The following MMP13 variants were observed in gnomAD, a reference collection of about 807,000 sequenced individuals.
MMP13 encodes the protein matrix metallopeptidase 13, also known as collagenase 3.
A neutral mutation model predicts 52.1 loss-of-function variants in MMP13; 45 were observed. That is an observed-to-expected ratio of 0.86 (90% CI 0.68 to 1.11). The LOEUF is 1.11. Among genes scored for constraint, MMP13 ranks in the 50% least tolerant of loss-of-function variants. MMP13 has a pLI of 0.00. For missense variants in MMP13, 576 were observed against 583.8 expected, an observed-to-expected ratio of 0.99 and a Z score of 0.14; for synonymous variants, 200 against 204.4, an observed-to-expected ratio of 0.98 and a Z score of 0.18.
Position 102,945,630 on chromosome 11 carries a change from C to T in MMP13, c.1315+16G>A, listed in dbSNP as rs782287854. 14 of 1,449,702 alleles carry T rather than the reference C, an allele frequency of 9.7e-6. No homozygotes were observed. Among genetic ancestry groups the T allele is most frequent in the Non-Finnish European group, 1.1e-5 (11 of 1,031,772 alleles). The allele number at this position is 1,449,702 out of a possible 1,614,324, so 89.8% of individuals were successfully genotyped here. ...CAGAAGCTCCTCTTTAAAGTCAGTG[C>T]AATGTAACTACTTACCATTTTTCTC... On this transcript the variant is annotated intron_variant, in intron 9 of 9. Coordinates refer to ENST00000260302, the MANE Select transcript of MMP13 (RefSeq NM_002427.4).
chr11:102,954,079 T>C (rs967313244), intron 4 of MMP13, 77 bp downstream of exon 4: 4 of 1,521,370 alleles, frequency 2.6e-6, no homozygotes, highest in South Asian at 1.2e-5. Context: ...TTAACTTTTA[T>C]GTGTTTTAAC....
chr11:102,947,882 C>T lies in MMP13; in HGVS notation c.1211+9G>A. ...GACACAGATGGGTCAGTACCTACTG[C>T]TGCCATACCTCCAGACCTGGTTTCC... On this transcript the variant is annotated intron_variant, in intron 8 of 9. Transcript: ENST00000260302. The T allele has an allele frequency of 3.1e-6, 5 of 1,613,858 alleles. No homozygotes were observed. The highest frequency in any genetic ancestry group is 4.2e-6 in the Non-Finnish European group (5 of 1,179,808).
Position 102,944,019 on chromosome 11 carries a change from A to G in MMP13, c.*247T>C. The stretch of plus-strand genomic sequence containing the variant: ...TGTGGTGTGGGAAGTATCATCAACC[A>G]TTGCTTTTGTACAGCAACAAGAATC... On this transcript the variant is annotated 3_prime_UTR_variant, in exon 10 of 10. Coordinates refer to ENST00000260302, the MANE Select transcript of MMP13 (RefSeq NM_002427.4). 1 of 450,624 alleles carries G rather than the reference A, an allele frequency of 2.2e-6. No individual in the cohort carries two copies. The highest frequency in any genetic ancestry group is 4.2e-6 in the Non-Finnish European group (1 of 236,976). The allele number at this position is 450,624 out of a possible 1,614,324, so 27.9% of individuals were successfully genotyped here.
At position 102,948,056 on chromosome 11, in the gene MMP13, A is replaced by G. The variant is rs1555016879; in HGVS notation, c.1052-6T>C. On this transcript the variant is annotated splice_region_variant and splice_polypyrimidine_tract_variant and intron_variant, in intron 7 of 9. Transcript: ENST00000260302. ...AAGAGCCCAAAATTTTCTACCTGGA[A>G]TGAGTGAAATAACAGTTCTATTATC... is the stretch of plus-strand genomic sequence containing the variant. The G allele has an allele frequency of 1.2e-6, 2 of 1,612,510 alleles. No homozygotes were observed. Among genetic ancestry groups the G allele is most frequent in the Admixed American group, 3.3e-5 (2 of 59,978 alleles).
At chr11:102,948,153 A>G in intron 7 of MMP13, 103 bp from the exon 8 acceptor site, 1 of 850,276 alleles carries the variant, frequency 1.2e-6, no homozygotes, top group Non-Finnish European at 1.8e-6. Context: ...ATTGAGAAAT[A>G]TTAATAAAAT....
At position 102,944,164 on chromosome 11, in the gene MMP13, A is replaced by T; in HGVS notation, c.*102T>A. The T allele has an allele frequency of 1.2e-6, 1 of 860,906 alleles. No homozygotes were observed. Among genetic ancestry groups the T allele is most frequent in the Non-Finnish European group, 2.0e-6 (1 of 506,520 alleles). 53.3% of individuals were successfully genotyped at this position (860,906 alleles called of 1,614,324 possible). ...TAACTTACTGAAGCTTGTTCACAGAACCAAGCTTTCTCCTGATAGCTCTTC... is the reference window on the plus strand; with the variant it reads ...TAACTTACTGAAGCTTGTTCACAGATCCAAGCTTTCTCCTGATAGCTCTTC... On this transcript the variant is annotated 3_prime_UTR_variant, in exon 10 of 10. Transcript: ENST00000260302.
chr11:102,950,073 G>T, intron 6 of MMP13, 37 bp downstream of exon 6: 2 of 1,516,598 alleles, frequency 1.3e-6, no homozygotes, highest in Middle Eastern at 1.7e-4. Flanking sequence ...ACAGATGTTT[G>T]TCGCATACAG....
chr11:102,953,672 A>G (rs990091428), intron 4 of MMP13, among the ~76,000 whole-genome samples: 1 of 152,176 alleles, frequency 6.6e-6, no homozygotes, highest in Non-Finnish European at 1.5e-5. Context: ...AGTGTTTACA[A>G]TATATAGACA....
At position 102,949,088 on chromosome 11, in the gene MMP13, G is replaced by A; in HGVS notation, c.988C>T (p.Leu330Phe). The A allele has an allele frequency of 6.2e-7, 1 of 1,613,922 alleles. No individual in the cohort carries two copies. The highest frequency in any genetic ancestry group is 8.5e-7 in the Non-Finnish European group (1 of 1,179,866). Residue 330 changes from leucine (L) to phenylalanine (F), a missense_variant, in exon 7 of 10, where the codon CTT (leucine) becomes TTT (phenylalanine). Transcript: ENST00000260302. This position sits in a 1 kb window ranked among gnomAD's most constrained non-coding sequence, Gnocchi z 4.2. ...TATGCAGCATCAATACGGTTGGGAA[G>A]TTCTGGCCAAAATGATTTCGTTAAA... ...LFLTKSFWPE[L>F]PNRIDAAYEH...
chr11:102,949,093 G>A lies in MMP13; in HGVS notation c.983C>T (p.Pro328Leu), dbSNP rs1860564718. ...AGCATCAATACGGTTGGGAAGTTCT[G>A]GCCAAAATGATTTCGTTAAAAACAG... ...AELFLTKSFW[P>L]ELPNRIDAAY... Residue 328 changes from proline (P) to leucine (L), a missense_variant, in exon 7 of 10, where the codon CCA becomes CTA. By Grantham distance (98) the Pro-to-Leu change is moderately conservative. Transcript: ENST00000260302. This position sits in a 1 kb window ranked among gnomAD's most constrained non-coding sequence, Gnocchi z 4.2. 1 of 1,613,780 alleles carries A rather than the reference G, an allele frequency of 6.2e-7. No individual in the cohort carries two copies. The highest frequency in any genetic ancestry group is 8.5e-7 in the Non-Finnish European group (1 of 1,179,862).
Position 102,948,009 on chromosome 11 carries a change from C to T in MMP13, c.1093G>A (p.Gly365Ser). 6.2e-7 allele frequency: 1 copy of T among 1,613,752 alleles called. No homozygotes were observed. Among genetic ancestry groups the T allele is most frequent in the Non-Finnish European group, 8.5e-7 (1 of 1,179,842 alleles). ...AGTTCAGATATTTTTTTGGGATAAC[C>T]TTCCAGAATGTCATAACCATTAAGA... Reference protein sequence around the residue: ...WALNGYDILEGYPKKISELGL... With the variant: ...WALNGYDILESYPKKISELGL... The change falls in exon 8 of 10, where the codon GGT (glycine) becomes AGT (serine). Residue 365 changes from glycine (G) to serine (S), a missense_variant. By Grantham distance (56) the Gly-to-Ser change is moderately conservative (BLOSUM62 0). Coordinates refer to ENST00000260302, the MANE Select transcript of MMP13 (RefSeq NM_002427.4).
At chr11:102,946,993 G>C (rs781997098) in intron 8 of MMP13, among the ~76,000 whole-genome samples, 1 of 152,118 alleles carries the variant, frequency 6.6e-6, no homozygotes, top group African/African-American at 2.4e-5. Flanking sequence ...ATATAGACTT[G>C]AATCTGGACT....
chr11:102,947,713 G>T (rs1860535761), intron 8 of MMP13, among the ~76,000 whole-genome samples, 178 bp downstream of exon 8: 1 of 146,812 alleles, frequency 6.8e-6, no homozygotes, highest in Non-Finnish European at 1.5e-5. Flanking sequence ...GTGTTCAAGA[G>T]AGCTTGAGAC....
Position 102,944,281 on chromosome 11 carries a change from G to A in MMP13, c.1401C>T (p.Ser467=), listed in dbSNP as rs887296199. The A allele has an allele frequency of 4.3e-6, 7 of 1,612,480 alleles. No homozygotes were observed. Among genetic ancestry groups the A allele is most frequent in the African/African-American group, 1.3e-5 (1 of 74,826 alleles). The stretch of plus-strand genomic sequence containing the variant: ...AAAAAGACACTTAACACCACAAAAT[G>A]GAATTTGCTGGCATGACGCGAACAA... ...NRIVRVMPAN[S]ILWC Residue 467 remains serine, a synonymous_variant, in exon 10 of 10, where the codon TCC becomes TCT. Transcript: ENST00000260302.
At position 102,944,164 on chromosome 11, in the gene MMP13, A is replaced by G; in HGVS notation, c.*102T>C. On this transcript the variant is annotated 3_prime_UTR_variant, in exon 10 of 10. Coordinates refer to ENST00000260302, the MANE Select transcript of MMP13 (RefSeq NM_002427.4). ...TAACTTACTGAAGCTTGTTCACAGA[A>G]CCAAGCTTTCTCCTGATAGCTCTTC... 3 of 860,906 alleles carry G rather than the reference A, an allele frequency of 3.5e-6. No individual in the cohort carries two copies. The highest frequency in any genetic ancestry group is 2.0e-6 in the Non-Finnish European group (1 of 506,520). 53.3% of individuals were successfully genotyped at this position (860,906 alleles called of 1,614,324 possible). A position where few individuals can be genotyped will look rare whatever the true frequency, so the allele number is the denominator to read the frequency against.
Position 102,954,515 on chromosome 11 carries a change from T to C in MMP13, c.454A>G (p.Asn152Asp). ...FKVWSDVTPLNFTRLHDGIAD... is the reference protein window; with the variant it reads ...FKVWSDVTPLDFTRLHDGIAD... ...ATGCCATCGTGAAGTCTGGTAAAAT[T>C]CAGAGGAGTTACATCGGACCAAACT... The change falls in exon 3 of 10, where the codon AAT becomes GAT. Residue 152 changes from asparagine to aspartate, a missense_variant. Asn to Asp is a conservative substitution (Grantham distance 23). Transcript: ENST00000260302. The C allele has an allele frequency of 1.2e-6, 2 of 1,613,728 alleles. No homozygotes were observed. The highest frequency in any genetic ancestry group is 1.7e-6 in the Non-Finnish European group (2 of 1,179,784).
rs72985587 is a variant in MMP13, at chr11:102,946,977, T to A, written c.1211+914A>T. Among the ~76,000 whole-genome samples, 469 of 152,288 alleles carry A rather than the reference T, an allele frequency of 3.1e-3. 5 individuals are homozygous for A. The highest frequency in any genetic ancestry group is 0.011 in the African/African-American group (454 of 41,558). ...TAGGGTACTGATGAGATATTCCCAT[T>A]CCCAAATATAGACTTGAATCTGGAC... On this transcript the variant is annotated intron_variant, in intron 8 of 9. Transcript: ENST00000260302.
intron 7 of MMP13, 30 bp from the exon 8 acceptor site, chr11:102,948,080 T>A: frequency 6.3e-7 from 1 of 1,599,904 alleles, no homozygotes; most frequent in South Asian, 1.1e-5. Context: ...AGTTCTATTA[T>A]CCAAGGGAAT....
intron 9 of MMP13, among the ~76,000 whole-genome samples, chr11:102,944,873 A>G (rs1860472944): frequency 6.9e-6 from 1 of 144,770 alleles, no homozygotes; most frequent in African/African-American, 2.6e-5. Context: ...CGCCCACCTC[A>G]GCTTCCCAAA....
Sources: allele counts gnomAD v4.1 joint callset (sites outside exome capture counted in the v4.1 genomes callset), GRCh38; gene constraint gnomAD v4.1.1; non-coding constraint Gnocchi (gnomAD v3.1); transcripts MANE v1.5; gene names NCBI Gene and HGNC (gene_info 2026-07-23, HGNC 2026-07-21).